RIBC2: variants seen among roughly 807,000 people sequenced by gnomAD.
The protein encoded by RIBC2 is RIB43A domain with coiled-coils 2, also known as RIB43A-like with coiled-coils protein 2.
A neutral mutation model predicts 44.3 loss-of-function variants in RIBC2; 40 were observed. That is an observed-to-expected ratio of 0.90 (90% CI 0.70 to 1.18). The LOEUF (loss-of-function observed/expected upper bound fraction) is 1.18. Among genes scored for constraint, RIBC2 ranks in the 50% most tolerant of loss-of-function variants. RIBC2 has a pLI of 0.00. For synonymous variants in RIBC2, 171 were observed against 175.0 expected (o/e 0.98, Z 0.18); for missense variants, 459 against 485.5 (o/e 0.95, Z 0.51).
rs1201705453 is a variant in RIBC2, at chr22:45,421,499, TTAATAATAGTATTATTAATAA to T, written c.557-767_557-747del. ...TTGGATGTCTAATTAATTATTATTA[TTAATAATAGTATTATTAATAA>T]TAATAATAGTATTATTAATAATATT... On this transcript the variant is annotated intron_variant, in intron 3 of 6. Transcript: ENST00000614167. Among the ~76,000 whole-genome samples the T allele has an allele frequency of 4.3e-4, 15 of 35,154 alleles. No individual in the cohort carries two copies. In the East Asian group the frequency reaches 5.0e-3, roughly 12 times the overall value. The allele number at this position is 35,154 out of a possible 152,430, so 23.1% of individuals were successfully genotyped here. A position where few individuals can be genotyped will look rare whatever the true frequency, so the allele number is the denominator to read the frequency against.
intron 4 of RIBC2, among the ~76,000 whole-genome samples, chr22:45,424,582 A>G (rs1234103347): frequency 6.6e-6 from 1 of 152,208 alleles, no homozygotes; most frequent in Non-Finnish European, 1.5e-5. Flanking sequence ...CCTGCCCGCC[A>G]TGGACAGGCT....
rs2087441698 is a variant in RIBC2, at chr22:45,417,933, A to G, written c.543A>G (p.Glu181=). Reference sequence around the variant, plus strand: ...GGGAATGGAAGAACGCCCGTGCTGAACAAAAATGCGCAGGTAATGAAACAG... The same window carrying G: ...GGGAATGGAAGAACGCCCGTGCTGAGCAAAAATGCGCAGGTAATGAAACAG... ...QQREWKNARA[E]QKCAEALYTE... The change falls in exon 3 of 7, where the codon GAA becomes GAG. Residue 181 remains glutamate, a synonymous_variant. Coordinates refer to ENST00000614167, the MANE Select transcript of RIBC2 (RefSeq NM_015653.5). The G allele has an allele frequency of 1.2e-6, 2 of 1,600,434 alleles. No individual in the cohort carries two copies. The highest frequency in any genetic ancestry group is 1.7e-6 in the Non-Finnish European group (2 of 1,172,438).
chr22:45,431,214 C>G (rs1203917362), intron 6 of RIBC2, 148 bp downstream of exon 6: 1 of 953,258 alleles, frequency 1.0e-6, no homozygotes, highest in African/African-American at 1.7e-5. Context: ...AGTGGGCTGG[C>G]TTGGGTTGAC....
At chr22:45,419,883 G>A (rs6519852) in intron 3 of RIBC2, among the ~76,000 whole-genome samples, 93,622 of 151,794 alleles carry the variant, frequency 0.62, 31,187 homozygotes, top group African/African-American at 0.88. Flanking sequence ...AAAATTAGCC[G>A]GGAGTGGTGG....
chr22:45,417,702 GA>G lies in RIBC2; in HGVS notation c.313del (p.Ser105AlafsTer17). ...GTAGGGCTATCAATGACTTCCAACA[GA>G]GCTTTCAGAAGCCAGAAACTCGCCG... Reference protein sequence around the residue: ...LCRAINDFQQSFQKPETRREF... With the variant: ...LCRAINDFQQXFQKPETRREF... On this transcript the variant is annotated frameshift_variant, in exon 3 of 7. Coordinates refer to ENST00000614167, the MANE Select transcript of RIBC2 (RefSeq NM_015653.5). LOFTEE classifies it high-confidence loss of function. The G allele has an allele frequency of 6.2e-7, 1 of 1,614,132 alleles. No individual in the cohort carries two copies. Among genetic ancestry groups the G allele is most frequent in the Non-Finnish European group, 8.5e-7 (1 of 1,180,020 alleles).
At chr22:45,417,181 G>A (rs1467442517) in intron 2 of RIBC2, among the ~76,000 whole-genome samples, 5 of 152,256 alleles carry the variant, frequency 3.3e-5, no homozygotes, top group South Asian at 4.1e-4. Flanking sequence ...GATTACAGGT[G>A]TGAGCCACCA....
intron 2 of RIBC2, among the ~76,000 whole-genome samples, chr22:45,417,099 C>T (rs768019582): frequency 5.9e-5 from 9 of 151,814 alleles, no homozygotes; most frequent in Non-Finnish European, 1.3e-4. Flanking sequence ...CAGGGTTTCA[C>T]CATGTTGGTC....
At chr22:45,421,553 A>T (rs1367691134) in intron 3 of RIBC2, among the ~76,000 whole-genome samples, 1 of 35,018 alleles carries the variant, frequency 2.9e-5, no homozygotes, top group Non-Finnish European at 4.5e-5. Flanking sequence ...ATTAATAATA[A>T]TAATAGTATT....
Position 45,426,249 on chromosome 22 carries a change from G to A in RIBC2, c.903+74G>A, listed in dbSNP as rs2087534119. The A allele has an allele frequency of 7.4e-6, 10 of 1,344,608 alleles. No homozygotes were observed. In the South Asian group the frequency reaches 8.8e-5, roughly 12 times the overall value. 83.3% of individuals were successfully genotyped at this position (1,344,608 alleles called of 1,614,324 possible). A position where few individuals can be genotyped will look rare whatever the true frequency, so the allele number is the denominator to read the frequency against. The stretch of plus-strand genomic sequence containing the variant: ...CTCCCACTGCCTTCCAGGCACAAAT[G>A]TAGTTGTAGCAGGCCTTGTGCTCTG... On this transcript the variant is annotated intron_variant, in intron 5 of 6. Transcript: ENST00000614167.
intron 2 of RIBC2, among the ~76,000 whole-genome samples, chr22:45,415,429 T>C (rs923532185): frequency 2.6e-5 from 4 of 152,050 alleles, no homozygotes; most frequent in Non-Finnish European, 4.4e-5. Flanking sequence ...CTGTTCTGTA[T>C]GTTCTAAACA....
intron 4 of RIBC2, 49 bp downstream of exon 4, chr22:45,422,457 G>C: frequency 7.6e-7 from 1 of 1,307,790 alleles, no homozygotes; most frequent in Non-Finnish European, 1.1e-6. Flanking sequence ...GGGAGGATGA[G>C]CCCACTACGG....
chr22:45,417,793 G>T lies in RIBC2; in HGVS notation c.403G>T (p.Asp135Tyr). 1 of 1,614,116 alleles carries T rather than the reference G, an allele frequency of 6.2e-7. No individual in the cohort carries two copies. The change falls in exon 3 of 7, where the codon GAT becomes TAT. Residue 135 changes from aspartate to tyrosine, a missense_variant. Asp to Tyr is a radical substitution (Grantham distance 160). Coordinates refer to ENST00000614167, the MANE Select transcript of RIBC2 (RefSeq NM_015653.5). ...KDLPARQSDN[D>Y]VRNTISGMQK... Reference sequence around the variant, plus strand: ...TCTTCCAGCCCGGCAGTCAGATAATGATGTTCGGAATACGATATCAGGAAT... The same window carrying T: ...TCTTCCAGCCCGGCAGTCAGATAATTATGTTCGGAATACGATATCAGGAAT...
intron 5 of RIBC2, among the ~76,000 whole-genome samples, chr22:45,429,667 G>A (rs1189874844): frequency 6.6e-6 from 1 of 152,164 alleles, no homozygotes; most frequent in Non-Finnish European, 1.5e-5. Flanking sequence ...AGTCCAAGGT[G>A]GAAAGGGCGC....
At chr22:45,420,081 C>A (rs1178173273) in intron 3 of RIBC2, among the ~76,000 whole-genome samples, 1 of 152,178 alleles carries the variant, frequency 6.6e-6, no homozygotes, top group African/African-American at 2.4e-5. Flanking sequence ...CCTTATCCTA[C>A]AGAGTAAACA....
Position 45,426,104 on chromosome 22 carries a change from T to C in RIBC2, c.832T>C (p.Trp278Arg), listed in dbSNP as rs544119431. ...FGPHRVVPDRWKGMTQEQLEQ... is the reference protein window; with the variant it reads ...FGPHRVVPDRRKGMTQEQLEQ... Reference sequence around the variant, plus strand: ...GCCCCACCGCGTGGTCCCTGACCGCTGGAAGGGCATGACCCAGGAGCAGCT... The same window carrying C: ...GCCCCACCGCGTGGTCCCTGACCGCCGGAAGGGCATGACCCAGGAGCAGCT... The change falls in exon 5 of 7, where the codon TGG becomes CGG. Residue 278 changes from tryptophan to arginine, a missense_variant. Transcript: ENST00000614167. 6.2e-7 allele frequency: 1 copy of C among 1,613,998 alleles called. No homozygotes were observed. Among genetic ancestry groups the C allele is most frequent in the East Asian group, 2.2e-5 (1 of 44,884 alleles).
At position 45,426,103 on chromosome 22, in the gene RIBC2, C is replaced by A; in HGVS notation, c.831C>A (p.Arg277=). 1 of 1,614,064 alleles carries A rather than the reference C, an allele frequency of 6.2e-7. No individual in the cohort carries two copies. The highest frequency in any genetic ancestry group is 8.5e-7 in the Non-Finnish European group (1 of 1,180,028). Residue 277 remains arginine (R), a synonymous_variant, in exon 5 of 7, where the codon CGC becomes CGA. Coordinates refer to ENST00000614167, the MANE Select transcript of RIBC2 (RefSeq NM_015653.5). ...GGCCCCACCGCGTGGTCCCTGACCGCTGGAAGGGCATGACCCAGGAGCAGC... is the reference window on the plus strand; with the variant it reads ...GGCCCCACCGCGTGGTCCCTGACCGATGGAAGGGCATGACCCAGGAGCAGC... ...SFGPHRVVPD[R]WKGMTQEQLE...
At chr22:45,424,320 G>C (rs529276826) in intron 4 of RIBC2, among the ~76,000 whole-genome samples, 2 of 152,210 alleles carry the variant, frequency 1.3e-5, no homozygotes, top group Non-Finnish European at 2.9e-5. Context: ...TCTTGGGTCG[G>C]GGCTCATTTC....
Position 45,425,157 on chromosome 22 carries a change from G to T in RIBC2, c.676-791G>T, listed in dbSNP as rs1386669017. 2.0e-5 allele frequency among the ~76,000 whole-genome samples: 3 copies of T among 152,206 alleles called. No homozygotes were observed. The East Asian group carries it at 5.8e-4, about 29-fold the overall frequency. ...CAAACAAACAAACAAAAAAAAACGG[G>T]TGTAGGGGCTTGGAAGGATGAGCTG... On this transcript the variant is annotated intron_variant, in intron 4 of 6. Coordinates refer to ENST00000614167, the MANE Select transcript of RIBC2 (RefSeq NM_015653.5).
chr22:45,423,103 A>G (rs966405446), intron 4 of RIBC2, among the ~76,000 whole-genome samples: 1 of 151,960 alleles, frequency 6.6e-6, no homozygotes, highest in Non-Finnish European at 1.5e-5. Flanking sequence ...CACCTGAGCC[A>G]TCCAAGTAGC....
Sources: allele counts gnomAD v4.1 joint callset (sites outside exome capture counted in the v4.1 genomes callset), GRCh38; gene constraint gnomAD v4.1.1; transcripts MANE v1.5; gene names NCBI Gene and HGNC (gene_info 2026-07-23, HGNC 2026-07-21).